COMMD10: variants seen among roughly 807,000 people sequenced by gnomAD.
COMMD10 encodes COMM domain-containing protein 10.
Under a neutral mutation model 28.9 loss-of-function variants are expected in COMMD10, and 33 were observed. The ratio of observed to expected loss-of-function variants is 1.14; its 90% confidence interval spans 0.87 to 1.53. The LOEUF (loss-of-function observed/expected upper bound fraction) is 1.53, where lower values mean the gene tolerates loss of function less well. Ranked by LOEUF, COMMD10 falls within the 40% of genes most tolerant of loss-of-function variation. The pLI is 0.00. For missense variants in COMMD10, 310 were observed against 233.4 expected (o/e 1.33, Z -2.14); for synonymous variants, 110 against 81.7 (o/e 1.35, Z -1.87).
chr5:116,134,117 A>C lies in COMMD10; in HGVS notation c.449A>C (p.Gln150Pro). ...AACCTTCAGATGGCTCACTCTGCTC[A>C]AGCAAAACTAAAATCTCCTCAAGCT... ...QLNLQMAHSA[Q>P]AKLKSPQAVL... Residue 150 changes from glutamine (Q) to proline (P), a missense_variant, in exon 5 of 7, where the codon CAA becomes CCA. By Grantham distance (76) the Gln-to-Pro change is moderately conservative. Coordinates refer to ENST00000274458, the MANE Select transcript of COMMD10 (RefSeq NM_016144.4). The C allele has an allele frequency of 6.2e-7, 1 of 1,613,100 alleles. No individual in the cohort carries two copies. Among genetic ancestry groups the C allele is most frequent in the Non-Finnish European group, 8.5e-7 (1 of 1,179,012 alleles).
Position 116,199,952 on chromosome 5 carries a change from A to G in COMMD10, c.510+65774A>G, listed in dbSNP as rs1481890755. Among the ~76,000 whole-genome samples the G allele has an allele frequency of 3.9e-5, 6 of 152,142 alleles. No individual in the cohort carries two copies. In the East Asian group the frequency reaches 1.2e-3, roughly 29 times the overall value. ...GTTGTTGGGTTTTTTCCTCAACACT[A>G]AATATTTTACTCTACTCTTTTTGTA... On this transcript the variant is annotated intron_variant, in intron 5 of 6. Transcript: ENST00000274458.
At chr5:116,271,188 T>C (rs934963422) in intron 5 of COMMD10, among the ~76,000 whole-genome samples, 15 of 144,250 alleles carry the variant, frequency 1.0e-4, no homozygotes, top group African/African-American at 3.8e-4. Context: ...GTACAGGTTT[T>C]GTTTATGTCA....
chr5:116,259,470 G>A (rs1750379647), intron 5 of COMMD10, among the ~76,000 whole-genome samples: 2 of 151,318 alleles, frequency 1.3e-5, no homozygotes, highest in Admixed American at 1.3e-4. Context: ...ACTCTGCTGA[G>A]TGTTATTTCT....
intron 4 of COMMD10, among the ~76,000 whole-genome samples, chr5:116,127,506 G>A (rs558896880): frequency 6.6e-6 from 1 of 152,298 alleles, no homozygotes; most frequent in South Asian, 2.1e-4. Context: ...ATTCTCAATA[G>A]CAAAGACTTG....
chr5:116,152,639 T>G (rs977585109), intron 5 of COMMD10, among the ~76,000 whole-genome samples: 6 of 152,100 alleles, frequency 3.9e-5, no homozygotes, highest in African/African-American at 1.4e-4. Context: ...AATAAGAGAA[T>G]AAAACATCTT....
At chr5:116,194,740 A>G (rs908702888) in intron 5 of COMMD10, among the ~76,000 whole-genome samples, 1 of 152,144 alleles carries the variant, frequency 6.6e-6, no homozygotes, top group African/African-American at 2.4e-5. Context: ...TCTACCAGAC[A>G]TTCAAAGAAT....
Position 116,154,813 on chromosome 5 carries a change from G to A in COMMD10, c.510+20635G>A, listed in dbSNP as rs558301097. On this transcript the variant is annotated intron_variant, in intron 5 of 6. Transcript: ENST00000274458. ...TTTTTTTTTTTTTAATATACAGTGG[G>A]ACCTCGTTTAGGGAGGGATGGAATT... is the stretch of plus-strand genomic sequence containing the variant. Among the ~76,000 whole-genome samples the A allele has an allele frequency of 2.3e-4, 35 of 151,004 alleles. 1 individual carries two copies. Among genetic ancestry groups the A allele is most frequent in the Middle Eastern group, 3.4e-3 (1 of 292 alleles).
intron 5 of COMMD10, among the ~76,000 whole-genome samples, chr5:116,221,004 G>C (rs1477063648): frequency 6.6e-6 from 1 of 151,624 alleles, no homozygotes; most frequent in Non-Finnish European, 1.5e-5. Context: ...AAAGACCTTA[G>C]ATTATAATTC....
chr5:116,250,517 G>T (rs866550078), intron 5 of COMMD10, among the ~76,000 whole-genome samples: 4 of 151,664 alleles, frequency 2.6e-5, no homozygotes, highest in Non-Finnish European at 5.9e-5. Flanking sequence ...GGAGGGCTGA[G>T]CATACATGAT....
At chr5:116,151,747 TTTC>T (rs1478503581) in intron 5 of COMMD10, among the ~76,000 whole-genome samples, 2 of 152,184 alleles carry the variant, frequency 1.3e-5, no homozygotes, top group African/African-American at 2.4e-5. Context: ...TCTTCTCTCT[TTTC>T]TTCTTTATTA....
chr5:116,212,075 A>G (rs962897265), intron 5 of COMMD10, among the ~76,000 whole-genome samples: 3 of 152,182 alleles, frequency 2.0e-5, no homozygotes, highest in Non-Finnish European at 2.9e-5. Flanking sequence ...AACTATTACC[A>G]TCTGTATTTT....
At chr5:116,121,809 C>T (rs1751444609) in intron 4 of COMMD10, among the ~76,000 whole-genome samples, 1 of 152,098 alleles carries the variant, frequency 6.6e-6, no homozygotes, top group Non-Finnish European at 1.5e-5. Context: ...ATATCCTTTG[C>T]CCACTTTTTG....
chr5:116,266,897 C>A (rs1031361697), intron 5 of COMMD10, among the ~76,000 whole-genome samples: 2 of 151,818 alleles, frequency 1.3e-5, no homozygotes, highest in African/African-American at 4.9e-5. Context: ...AATTCAACAG[C>A]CGTTCATGCT....
At chr5:116,219,649 C>T (rs1351444534) in intron 5 of COMMD10, among the ~76,000 whole-genome samples, 2 of 152,086 alleles carry the variant, frequency 1.3e-5, no homozygotes, top group East Asian at 3.9e-4. Context: ...TGTTTTCTGC[C>T]CAGTGAAACT....
intron 4 of COMMD10, among the ~76,000 whole-genome samples, chr5:116,100,568 T>A (rs1013564474): frequency 6.6e-6 from 1 of 150,722 alleles, no homozygotes; most frequent in African/African-American, 2.4e-5. Flanking sequence ...TACCATTAGT[T>A]GAAAAGGCTT....
At position 116,269,461 on chromosome 5, in the gene COMMD10, T is replaced by C. The variant is rs1421315050; in HGVS notation, c.511-22056T>C. The stretch of plus-strand genomic sequence containing the variant: ...TTACTTTATAGGTTATATTGACTTT[T>C]AGATTTCAGGTAGTAAAATAAAAAA... On this transcript the variant is annotated intron_variant, in intron 5 of 6. Transcript: ENST00000274458. Among the ~76,000 whole-genome samples, 6 of 151,956 alleles carry C rather than the reference T, an allele frequency of 3.9e-5. No homozygotes were observed. The East Asian group carries it at 1.2e-3, about 29-fold the overall frequency.
chr5:116,279,706 G>T (rs956305812), intron 5 of COMMD10, among the ~76,000 whole-genome samples: 1 of 151,834 alleles, frequency 6.6e-6, no homozygotes, highest in African/African-American at 2.4e-5. Context: ...CAATGGTATT[G>T]CATTGATGTT....
Position 116,286,344 on chromosome 5 carries a change from A to G in COMMD10, c.511-5173A>G, listed in dbSNP as rs1389511496. 2.0e-5 allele frequency among the ~76,000 whole-genome samples: 3 copies of G among 149,060 alleles called. No individual in the cohort carries two copies. The East Asian group carries it at 5.9e-4, about 29-fold the overall frequency. ...CTATGAATTTTTATATTGTTTTTTG[A>G]TTTTTCTATGTCATTTATCTCTGTT... On this transcript the variant is annotated intron_variant, in intron 5 of 6. Coordinates refer to ENST00000274458, the MANE Select transcript of COMMD10 (RefSeq NM_016144.4).
chr5:116,147,758 A>G lies in COMMD10; in HGVS notation c.510+13580A>G, dbSNP rs139114779. On this transcript the variant is annotated intron_variant, in intron 5 of 6. Coordinates refer to ENST00000274458, the MANE Select transcript of COMMD10 (RefSeq NM_016144.4). ...TTTAAAAAATTATTTTATACTTTTT[A>G]AAAATTACACAAGTAATTTACATTG... is the stretch of plus-strand genomic sequence containing the variant. Among the ~76,000 whole-genome samples, 612 of 152,056 alleles carry G rather than the reference A, an allele frequency of 4.0e-3. 4 individuals carry two copies. The highest frequency in any genetic ancestry group is 0.014 in the African/African-American group (571 of 41,530).
Sources: gnomAD v4.1 joint callset for allele counts (sites outside exome capture counted in the v4.1 genomes callset) on GRCh38, gnomAD v4.1.1 for gene constraint, MANE v1.5 for transcripts, NCBI Gene and HGNC (gene_info 2026-07-23, HGNC 2026-07-21) for gene names.